Variants in RNLS observed in about 807,000 individuals in gnomAD.
The protein encoded by RNLS is renalase.
Under a neutral mutation model 39.8 loss-of-function variants are expected in RNLS, and 39 were observed. That is an observed-to-expected ratio of 0.98 (90% CI 0.76 to 1.28). The LOEUF (loss-of-function observed/expected upper bound fraction) is 1.28, where lower values mean the gene tolerates loss of function less well. RNLS is among the 50% of genes most tolerant of loss of function. The probability of loss-of-function intolerance (pLI) is 0.00; values close to 1 mark genes in which losing one functional copy is unlikely to be tolerated. For missense variants in RNLS, 410 were observed against 413.3 expected (o/e 0.99, Z 0.07); for synonymous variants, 147 against 150.7 (o/e 0.98, Z 0.18).
At chr10:88,478,863 ATTTCTTTCTTTCTC>A (rs1843976380) in intron 4 of RNLS, among the ~76,000 whole-genome samples, 1 of 146,050 alleles carries the variant, frequency 6.8e-6, no homozygotes, top group Admixed American at 6.8e-5. Context: ...TCTTTCTTTC[ATTTCTTTCTTTCTC>A]TTTCTTTCTT....
the RNLS span, among the ~76,000 whole-genome samples, chr10:88,182,456 T>C: frequency 1.3e-5 from 2 of 152,162 alleles, no homozygotes; most frequent in African/African-American, 4.8e-5. Context: ...GGTCAGACTT[T>C]AGGATAACTC....
At chr10:88,246,252 G>A in the RNLS span, among the ~76,000 whole-genome samples, 5 of 152,148 alleles carry the variant, frequency 3.3e-5, no homozygotes, top group African/African-American at 1.2e-4. Flanking sequence ...AATATTCTAA[G>A]TGCAACAGCT....
intron 5 of RNLS, among the ~76,000 whole-genome samples, chr10:88,352,714 T>C (rs1274955285): frequency 6.6e-6 from 1 of 152,248 alleles, no homozygotes; most frequent in Non-Finnish European, 1.5e-5. Flanking sequence ...GCTGGCCTCA[T>C]AAAATGAGTT....
rs190607083 is a variant in RNLS at position 88,531,202 on chromosome 10, A to G, written c.526+41701T>C. ...TTTTCAGGATTACATGGAAGGATAC[A>G]GAAGTACACCAGAGGTCAGCCTTGC... On this transcript the variant is annotated intron_variant, in intron 4 of 6. Coordinates refer to ENST00000331772, the MANE Select transcript of RNLS (RefSeq NM_001031709.3). Among the ~76,000 whole-genome samples the G allele has an allele frequency of 9.1e-4, 139 of 152,182 alleles. No homozygotes were observed. In the Middle Eastern group the frequency reaches 0.014, roughly 15 times the overall value.
chr10:88,443,903 T>C (rs10788601), intron 4 of RNLS, among the ~76,000 whole-genome samples: 50,167 of 152,206 alleles, frequency 0.33, 9,763 homozygotes, highest in African/African-American at 0.54. Context: ...GGGCAGGGCA[T>C]AGCCGAACAA....
chr10:88,456,108 C>T (rs1424700819), intron 4 of RNLS, among the ~76,000 whole-genome samples: 1 of 152,170 alleles, frequency 6.6e-6, no homozygotes, highest in Non-Finnish European at 1.5e-5. Flanking sequence ...GCAGACTCTC[C>T]TGTTTTCTGT....
In RNLS at chr10:88,328,621, G is replaced by A. The variant is rs370598177; in HGVS notation, c.701-13980C>T. On this transcript the variant is annotated intron_variant, in intron 5 of 6. Transcript: ENST00000331772. The stretch of plus-strand genomic sequence containing the variant: ...GAAATTATATAGTTATATTTTTAGC[G>A]AATACTGATATATTTAAGCATACAT... Among the ~76,000 whole-genome samples, 23 of 151,878 alleles carry A rather than the reference G, an allele frequency of 1.5e-4. 1 individual carries two copies. The East Asian group carries it at 1.7e-3, about 11-fold the overall frequency.
intron 4 of RNLS, among the ~76,000 whole-genome samples, chr10:88,465,382 C>T (rs778342421): frequency 3.3e-5 from 5 of 151,986 alleles, no homozygotes; most frequent in Non-Finnish European, 7.4e-5. Context: ...CACTAGGGTT[C>T]CAACAATGAA....
intron 4 of RNLS, among the ~76,000 whole-genome samples, chr10:88,546,597 A>G (rs1337876704): frequency 6.6e-6 from 1 of 152,106 alleles, no homozygotes; most frequent in Non-Finnish European, 1.5e-5. Context: ...GCCAATGAAA[A>G]CATTATCACT....
At chr10:88,440,554 A>C (rs1248378522) in intron 4 of RNLS, among the ~76,000 whole-genome samples, 1 of 152,244 alleles carries the variant, frequency 6.6e-6, no homozygotes, top group African/African-American at 2.4e-5. Context: ...TGGCCATATC[A>C]TGTCCCCCTA....
intron 4 of RNLS, among the ~76,000 whole-genome samples, chr10:88,429,890 T>G (rs1270221520): frequency 1.3e-5 from 2 of 151,896 alleles, no homozygotes; most frequent in African/African-American, 2.4e-5. Context: ...GCTGATCCTG[T>G]CTATCTGTAT....
the RNLS span, among the ~76,000 whole-genome samples, chr10:88,226,428 T>C: frequency 2.6e-5 from 4 of 152,196 alleles, no homozygotes; most frequent in African/African-American, 4.8e-5. Flanking sequence ...CAGCTGGGAC[T>C]CAAAATCATG....
chr10:88,497,943 G>A (rs1845266144), intron 4 of RNLS, among the ~76,000 whole-genome samples: 1 of 150,056 alleles, frequency 6.7e-6, no homozygotes, highest in Non-Finnish European at 1.5e-5. Flanking sequence ...TTATTGAAGA[G>A]AAAAAAAAAA....
intron 1 of RNLS, among the ~76,000 whole-genome samples, chr10:88,582,855 C>T (rs1850696812): frequency 6.6e-6 from 1 of 152,258 alleles, no homozygotes; most frequent in Non-Finnish European, 1.5e-5. Flanking sequence ...CACCCTCGCC[C>T]CCACCCTCGC....
chr10:88,448,941 T>C lies in RNLS; in HGVS notation c.527-86216A>G, dbSNP rs146295695. ...GCATGTTCTCACCCATAGGTGGGAA[T>C]TGAACAATGAGAACACTTGGACACA... On this transcript the variant is annotated intron_variant, in intron 4 of 6. Transcript: ENST00000331772. Among the ~76,000 whole-genome samples the C allele has an allele frequency of 4.3e-3, 647 of 152,170 alleles. 2 individuals carry two copies. The highest frequency in any genetic ancestry group is 7.4e-3 in the Non-Finnish European group (506 of 67,978).
chr10:88,374,781 A>C (rs771234386), intron 4 of RNLS, among the ~76,000 whole-genome samples: 7 of 152,122 alleles, frequency 4.6e-5, no homozygotes, highest in African/African-American at 7.2e-5. Flanking sequence ...CTTCATACAT[A>C]TCTGGTTTCA....
rs114475671 is a variant in RNLS at position 88,458,688 on chromosome 10, G to A, written c.527-95963C>T. Among the ~76,000 whole-genome samples, 1,039 of 152,192 alleles carry A rather than the reference G, an allele frequency of 6.8e-3. 11 individuals are homozygous for A. Among genetic ancestry groups the A allele is most frequent in the African/African-American group, 0.024 (984 of 41,520 alleles). The stretch of plus-strand genomic sequence containing the variant: ...CTACCTGTCCCTACAGGGTCGAGAA[G>A]AATACTGCACACAAAGGTTCACAAG... On this transcript the variant is annotated intron_variant, in intron 4 of 6. Coordinates refer to ENST00000331772, the MANE Select transcript of RNLS (RefSeq NM_001031709.3).
intron 4 of RNLS, among the ~76,000 whole-genome samples, chr10:88,469,384 T>C (rs976780782): frequency 3.3e-5 from 5 of 152,180 alleles, no homozygotes. Context: ...ATCTTGACTG[T>C]ATAAATACTG....
intron 5 of RNLS, among the ~76,000 whole-genome samples, chr10:88,355,658 C>T (rs757904530): frequency 2.1e-4 from 32 of 152,156 alleles, no homozygotes; most frequent in Admixed American, 3.3e-4. Context: ...ACTCGGGGGT[C>T]AGGGGCCCAC....
Sources: allele counts gnomAD v4.1 joint callset (sites outside exome capture counted in the v4.1 genomes callset), GRCh38; gene constraint gnomAD v4.1.1; transcripts MANE v1.5; gene names NCBI Gene and HGNC (gene_info 2026-07-23, HGNC 2026-07-21).